Variants in SPTBN1 observed in about 807,000 individuals in gnomAD.
SPTBN1 encodes spectrin beta, non-erythrocytic 1.
In SPTBN1, 32 loss-of-function variants were observed where a neutral mutation model predicts 266.4. That is an observed-to-expected ratio of 0.12 (90% CI 0.09 to 0.16). The LOEUF (loss-of-function observed/expected upper bound fraction) is 0.16, where lower values mean the gene tolerates loss of function less well. Ranked by LOEUF, SPTBN1 falls within the 10% of genes least tolerant of loss-of-function variation. SPTBN1 has a pLI of 1.00. For missense variants in SPTBN1, 2,296 were observed against 3,067.1 expected, an observed-to-expected ratio of 0.75 and a Z score of 5.94; for synonymous variants, 1,336 against 1,162.2, an observed-to-expected ratio of 1.15 and a Z score of -3.04.
At chr2:54,605,356 G>T (rs891408902) in intron 3 of SPTBN1, among the ~76,000 whole-genome samples, 15 of 152,146 alleles carry the variant, frequency 9.9e-5, no homozygotes, top group African/African-American at 3.6e-4. Flanking sequence ...TTAAGTCCTG[G>T]TTCACCACAT....
rs1198624989 is a variant in SPTBN1, at chr2:54,470,194, A to G, written c.-48+13676A>G. Among the ~76,000 whole-genome samples the G allele has an allele frequency of 2.6e-5, 4 of 152,210 alleles. No homozygotes were observed. In the East Asian group the frequency reaches 7.7e-4, roughly 29 times the overall value. Reference sequence around the variant, plus strand: ...GTTTAATTAGAGAGAAGGCTGATGTATCGTCTTGTTTCAAAGGGAGACTAT... The same window carrying G: ...GTTTAATTAGAGAGAAGGCTGATGTGTCGTCTTGTTTCAAAGGGAGACTAT... On this transcript the variant is annotated intron_variant, in intron 1 of 35. Coordinates refer to ENST00000356805, the MANE Select transcript of SPTBN1 (RefSeq NM_003128.3).
intron 17 of SPTBN1, among the ~76,000 whole-genome samples, chr2:54,634,118 C>T (rs977084862): frequency 1.3e-5 from 2 of 152,160 alleles, no homozygotes; most frequent in Non-Finnish European, 2.9e-5. Context: ...AATAAGATAT[C>T]CTATGTACTT....
intron 17 of SPTBN1, 98 bp from the exon 18 acceptor site, chr2:54,637,615 G>A (rs1679240340): frequency 6.3e-6 from 6 of 958,364 alleles, no homozygotes; most frequent in South Asian, 1.6e-5. Flanking sequence ...ACTCTTTTTA[G>A]CATAGTTAGG....
In SPTBN1 at chr2:54,659,945, A is replaced by G. The variant is rs1450296221; in HGVS notation, c.6366A>G (p.Ser2122=). 6.2e-7 allele frequency: 1 copy of G among 1,614,134 alleles called. No individual in the cohort carries two copies. ...EAESQQQWDT[S]KGEQVSQNGL... is the part of the protein sequence containing the mutation. ...CCCTCTTCCCTAACAGGGATACTTCAAAAGGAGAACAAGTTTCCCAAAACG... is the reference window on the plus strand; with the variant it reads ...CCCTCTTCCCTAACAGGGATACTTCGAAAGGAGAACAAGTTTCCCAAAACG... The change falls in exon 32 of 36, where the codon TCA becomes TCG. Residue 2122 remains serine (S), a synonymous_variant. Transcript: ENST00000356805.
intron 19 of SPTBN1, 84 bp downstream of exon 19, chr2:54,643,213 C>A: frequency 6.4e-7 from 1 of 1,557,918 alleles, no homozygotes; most frequent in Non-Finnish European, 8.7e-7. Flanking sequence ...CATTTTCCAG[C>A]ATATCTGATC....
intron 1 of SPTBN1, among the ~76,000 whole-genome samples, chr2:54,465,764 TAGAG>T (rs1157187364): frequency 6.6e-6 from 1 of 151,666 alleles, no homozygotes; most frequent in African/African-American, 2.4e-5. Context: ...GGGAATTTTA[TAGAG>T]ACAGTATTTT....
rs1680130096 is a variant in SPTBN1, at chr2:54,649,515, T to C, written c.5203-100T>C. On this transcript the variant is annotated intron_variant, in intron 25 of 35. Coordinates refer to ENST00000356805, the MANE Select transcript of SPTBN1 (RefSeq NM_003128.3). The surrounding 1 kb of genome is among the most constrained non-coding windows in gnomAD (Gnocchi z 6.7). ...GAAGTCATGAGTATTATTGGCTACA[T>C]CTTGCTTAGAGGCAGTTTCTTTCCA... is the stretch of plus-strand genomic sequence containing the variant. 2.0e-6 allele frequency: 3 copies of C among 1,488,198 alleles called. No homozygotes were observed. The highest frequency in any genetic ancestry group is 2.7e-6 in the Non-Finnish European group (3 of 1,111,950). 92.2% of individuals were successfully genotyped at this position (1,488,198 alleles called of 1,614,324 possible). A position where few individuals can be genotyped will look rare whatever the true frequency, so the allele number is the denominator to read the frequency against.
intron 2 of SPTBN1, among the ~76,000 whole-genome samples, chr2:54,550,242 T>C (rs1672490365): frequency 6.6e-6 from 1 of 152,194 alleles, no homozygotes; most frequent in East Asian, 1.9e-4. Context: ...TTGGCGCTCC[T>C]GAGTGACTGG....
At chr2:54,536,385 G>A (rs750750441) in intron 2 of SPTBN1, among the ~76,000 whole-genome samples, 3 of 152,186 alleles carry the variant, frequency 2.0e-5, no homozygotes, top group Non-Finnish European at 4.4e-5. Flanking sequence ...TCCATCTTCA[G>A]TGATACCATT....
intron 1 of SPTBN1, among the ~76,000 whole-genome samples, chr2:54,475,843 CCA>C (rs1372782487): frequency 3.9e-5 from 6 of 152,142 alleles, no homozygotes; most frequent in African/African-American, 1.4e-4. Flanking sequence ...GGCCTCACCT[CCA>C]CAAACTACAA....
At chr2:54,594,833 C>CTTTTTTCTTTTTTT (rs1553455349) in intron 2 of SPTBN1, among the ~76,000 whole-genome samples, 1 of 104,716 alleles carries the variant, frequency 9.5e-6, no homozygotes, top group South Asian at 2.8e-4. Flanking sequence ...TGGTAAGTTT[C>CTTTTTTCTTTTTTT]TTTTTTTTTT....
At chr2:54,484,346 G>T (rs899791618) in intron 1 of SPTBN1, among the ~76,000 whole-genome samples, 1 of 152,180 alleles carries the variant, frequency 6.6e-6, no homozygotes, top group African/African-American at 2.4e-5. Context: ...GCTCTTGACT[G>T]CCAGAAGAGG....
chr2:54,531,211 C>T (rs1299618023), intron 2 of SPTBN1, among the ~76,000 whole-genome samples: 1 of 152,216 alleles, frequency 6.6e-6, no homozygotes, highest in African/African-American at 2.4e-5. Flanking sequence ...CCTGAATTTA[C>T]AGCCTGCGGC....
intron 9 of SPTBN1, 23 bp from the exon 10 acceptor site, chr2:54,623,456 T>C: frequency 6.2e-7 from 1 of 1,608,400 alleles, no homozygotes; most frequent in Non-Finnish European, 8.5e-7. Context: ...CAGTACCAAA[T>C]GAATGTTTTC....
intron 31 of SPTBN1, 119 bp downstream of exon 31, chr2:54,659,385 C>T (rs1411341835): frequency 2.1e-6 from 2 of 934,378 alleles, no homozygotes; most frequent in Non-Finnish European, 3.4e-6. Context: ...CTACTGATTG[C>T]TTCCATAGAC....
intron 2 of SPTBN1, among the ~76,000 whole-genome samples, chr2:54,578,777 T>A (rs751428000): frequency 2.6e-4 from 39 of 150,472 alleles, no homozygotes; most frequent in Admixed American, 2.1e-3. Context: ...TGTGTGTGTG[T>A]GATGATAATT....
intron 32 of SPTBN1, chr2:54,660,226 A>G (rs1680946737): frequency 4.2e-6 from 6 of 1,414,304 alleles, no homozygotes; most frequent in Non-Finnish European, 4.6e-6. Context: ...CATTTAATTC[A>G]TGTTTGAGTC....
At chr2:54,644,267 A>G in intron 19 of SPTBN1, 56 bp from the exon 20 acceptor site, 2 of 1,567,598 alleles carry the variant, frequency 1.3e-6, no homozygotes, top group Non-Finnish European at 1.7e-6. Context: ...TTTCACAGTG[A>G]CATTTTTTCT....
intron 3 of SPTBN1, among the ~76,000 whole-genome samples, chr2:54,610,976 T>C (rs566826908): frequency 2.0e-5 from 3 of 152,350 alleles, no homozygotes; most frequent in Non-Finnish European, 2.9e-5. Context: ...CAACAATACT[T>C]GAGCTCATCA....
Sources: gnomAD v4.1 joint callset for allele counts (sites outside exome capture counted in the v4.1 genomes callset) on GRCh38, gnomAD v4.1.1 for gene constraint, Gnocchi (gnomAD v3.1) non-coding constraint, MANE v1.5 for transcripts, NCBI Gene and HGNC (gene_info 2026-07-23, HGNC 2026-07-21) for gene names.